The following AGO2 variants were observed in gnomAD, a reference collection of about 807,000 sequenced individuals.
AGO2 encodes protein argonaute-2.
Under a neutral mutation model 102.3 loss-of-function variants are expected in AGO2, and 5 were observed. That is an observed-to-expected ratio of 0.05 (90% CI 0.03 to 0.10). The LOEUF is 0.10. AGO2 is among the 10% of genes least tolerant of loss of function. The probability of loss-of-function intolerance (pLI) is 1.00; values close to 1 mark genes in which losing one functional copy is unlikely to be tolerated. For synonymous variants in AGO2, 449 were observed against 473.1 expected (o/e 0.95, Z 0.66); for missense variants, 541 against 1,183.7 (o/e 0.46, Z 7.97).
Position 140,539,854 on chromosome 8 carries a change from C to T in AGO2, c.2035-400G>A, listed in dbSNP as rs544636417. 1.4e-4 allele frequency among the ~76,000 whole-genome samples: 22 copies of T among 152,246 alleles called. No individual in the cohort carries two copies. The highest frequency in any genetic ancestry group is 3.9e-4 in the Admixed American group (6 of 15,300). On this transcript the variant is annotated intron_variant, in intron 15 of 18. Transcript: ENST00000220592. This position sits in a 1 kb window ranked among gnomAD's most constrained non-coding sequence, Gnocchi z 4.7. ...CTGTAATCCCAGGACTTTGGGAGGC[C>T]GAGTTGGGCGGATCACAAGATCAAG...
At position 140,539,727 on chromosome 8, in the gene AGO2, G is replaced by A. The variant is rs1281364992; in HGVS notation, c.2035-273C>T. The stretch of plus-strand genomic sequence containing the variant: ...TGTGTGTGCAAGGGGCGCAGCCAAC[G>A]CCAGGGATGCAGGCTGGGCTCTGCG... On this transcript the variant is annotated intron_variant, in intron 15 of 18. Coordinates refer to ENST00000220592, the MANE Select transcript of AGO2 (RefSeq NM_012154.5). The surrounding 1 kb of genome is among the most constrained non-coding windows in gnomAD (Gnocchi z 4.7). Among the ~76,000 whole-genome samples, 3 of 152,240 alleles carry A rather than the reference G, an allele frequency of 2.0e-5. No individual in the cohort carries two copies. The highest frequency in any genetic ancestry group is 1.9e-4 in the East Asian group (1 of 5,192).
upstream of AGO2, chr8:140,636,909 T>C (rs1319835366): frequency 6.6e-6 from 1 of 152,272 alleles, no homozygotes; most frequent in Non-Finnish European, 1.5e-5. Flanking sequence ...CAGGATGGAA[T>C]CTAGCCATTC....
At chr8:140,613,199 C>CA (rs1470655893) in intron 1 of AGO2, among the ~76,000 whole-genome samples, 9 of 151,982 alleles carry the variant, frequency 5.9e-5, no homozygotes, top group African/African-American at 2.2e-4. Context: ...GACTCCGTCT[C>CA]AAAAAACAAC....
chr8:140,633,050 C>T (rs2074361301), intron 1 of AGO2, among the ~76,000 whole-genome samples: 3 of 152,066 alleles, frequency 2.0e-5, no homozygotes, highest in South Asian at 4.2e-4. Flanking sequence ...GTAGCTGGGA[C>T]TACAGGCGTG....
At chr8:140,607,700 T>A (rs966600696) in intron 1 of AGO2, among the ~76,000 whole-genome samples, 2 of 151,818 alleles carry the variant, frequency 1.3e-5, no homozygotes, top group Non-Finnish European at 2.9e-5. Context: ...TCCGCATGTA[T>A]AACCTCAGGA....
intron 1 of AGO2, among the ~76,000 whole-genome samples, chr8:140,587,346 G>A (rs1293603487): frequency 2.0e-5 from 3 of 152,242 alleles, no homozygotes; most frequent in Admixed American, 6.5e-5. Flanking sequence ...GTGAAGGCAC[G>A]TGGAATATAA....
intron 1 of AGO2, among the ~76,000 whole-genome samples, chr8:140,633,239 G>A (rs1003734493): frequency 4.6e-5 from 7 of 152,154 alleles, no homozygotes; most frequent in Admixed American, 3.3e-4. Context: ...AGATTAAAAA[G>A]AGTCTCAATG....
At chr8:140,542,529 G>A (rs2072818018) in intron 14 of AGO2, among the ~76,000 whole-genome samples, 1 of 151,620 alleles carries the variant, frequency 6.6e-6, no homozygotes, top group Admixed American at 6.6e-5. Flanking sequence ...GAGAATTGTG[G>A]GGATAGGGGA....
At chr8:140,629,971 C>G (rs1208507842) in intron 1 of AGO2, among the ~76,000 whole-genome samples, 1 of 151,914 alleles carries the variant, frequency 6.6e-6, no homozygotes, top group Non-Finnish European at 1.5e-5. Flanking sequence ...AGTTCCTGAT[C>G]CAACCCACAC....
rs539279824 is a variant in AGO2 at position 140,545,397 on chromosome 8, G to A, written c.1749-1094C>T. Among the ~76,000 whole-genome samples, 18 of 152,202 alleles carry A rather than the reference G, an allele frequency of 1.2e-4. No homozygotes were observed. The East Asian group carries it at 1.9e-3, about 16-fold the overall frequency. On this transcript the variant is annotated intron_variant, in intron 13 of 18. Coordinates refer to ENST00000220592, the MANE Select transcript of AGO2 (RefSeq NM_012154.5). The stretch of plus-strand genomic sequence containing the variant: ...CCTTGGTGCCTAGGGCCCTGCGGCC[G>A]GCCTCCCTGCCCCAGCCTCTCCCAT...
intron 2 of AGO2, among the ~76,000 whole-genome samples, chr8:140,580,490 G>A (rs991273736): frequency 1.3e-5 from 2 of 152,194 alleles, no homozygotes; most frequent in African/African-American, 4.8e-5. Context: ...GCAGCACGAC[G>A]GAGGAGCCCA....
At chr8:140,561,574 G>A (rs2073202967) in intron 4 of AGO2, among the ~76,000 whole-genome samples, 1 of 152,186 alleles carries the variant, frequency 6.6e-6, no homozygotes, top group Non-Finnish European at 1.5e-5. Context: ...CAGATTACAC[G>A]TGGGGGAAGG....
chr8:140,609,328 G>T (rs1352883220), intron 1 of AGO2, among the ~76,000 whole-genome samples: 1 of 152,248 alleles, frequency 6.6e-6, no homozygotes, highest in African/African-American at 2.4e-5. Flanking sequence ...CGGCAGAGCG[G>T]TGGGCGGGCA....
At chr8:140,639,058 G>T (rs1166743168), upstream of AGO2, among the ~76,000 whole-genome samples, 4 of 152,080 alleles carry the variant, frequency 2.6e-5, no homozygotes, top group African/African-American at 9.7e-5. Flanking sequence ...TTGTAGAGAT[G>T]ATGTTTCACC....
chr8:140,581,733 G>C (rs144057845), intron 2 of AGO2, among the ~76,000 whole-genome samples: 1 of 152,200 alleles, frequency 6.6e-6, no homozygotes, highest in Non-Finnish European at 1.5e-5. Flanking sequence ...GGTGCACATA[G>C]TTTTTGTTCA....
At position 140,585,254 on chromosome 8, in the gene AGO2, G is replaced by C. The variant is rs563935620; in HGVS notation, c.80C>G (p.Pro27Arg). The C allele has an allele frequency of 6.2e-7, 1 of 1,614,212 alleles. No individual in the cohort carries two copies. Among genetic ancestry groups the C allele is most frequent in the African/African-American group, 1.3e-5 (1 of 75,042 alleles). ...CCCGGAGGTCCCAAAGTCGGGTCTA[G>C]GTGGAGGCTTGAAGGCATATCCTTG... is the stretch of plus-strand genomic sequence containing the variant. Reference protein sequence around the residue: ...PIQGYAFKPPPRPDFGTSGRT... With the variant: ...PIQGYAFKPPRRPDFGTSGRT... Residue 27 changes from proline (P) to arginine (R), a missense_variant, in exon 2 of 19, where the codon CCT (proline) becomes CGT (arginine). Transcript: ENST00000220592.
At chr8:140,555,236 G>A (rs1185069479) in intron 10 of AGO2, among the ~76,000 whole-genome samples, 2 of 152,176 alleles carry the variant, frequency 1.3e-5, no homozygotes, top group Non-Finnish European at 2.9e-5. Flanking sequence ...TGGTATGCTT[G>A]CAACCGTGGT....
chr8:140,546,958 C>A (rs1387625875), intron 13 of AGO2, among the ~76,000 whole-genome samples: 1 of 152,196 alleles, frequency 6.6e-6, no homozygotes, highest in Non-Finnish European at 1.5e-5. Flanking sequence ...CGGCGGTCAG[C>A]CCTGGGCCTC....
intron 12 of AGO2, among the ~76,000 whole-genome samples, chr8:140,547,906 G>C (rs1477935930): frequency 6.6e-6 from 1 of 152,248 alleles, no homozygotes; most frequent in Non-Finnish European, 1.5e-5. Context: ...AGTTGAGTGA[G>C]TCTATCTCAT....
Sources: gnomAD v4.1 joint callset for allele counts (sites outside exome capture counted in the v4.1 genomes callset) on GRCh38, gnomAD v4.1.1 for gene constraint, Gnocchi (gnomAD v3.1) non-coding constraint, MANE v1.5 for transcripts, NCBI Gene and HGNC (gene_info 2026-07-23, HGNC 2026-07-21) for gene names.